The following ARHGAP26 variants were observed in gnomAD, a reference collection of about 807,000 sequenced individuals.
The protein encoded by ARHGAP26 is Rho GTPase activating protein 26, also known as rho GTPase-activating protein 26.
Under a neutral mutation model 104.8 loss-of-function variants are expected in ARHGAP26, and 38 were observed. The ratio of observed to expected loss-of-function variants is 0.36; its 90% confidence interval spans 0.28 to 0.48. The LOEUF (loss-of-function observed/expected upper bound fraction) is 0.48, where lower values mean the gene tolerates loss of function less well. Ranked by LOEUF, ARHGAP26 falls within the 20% of genes least tolerant of loss-of-function variation. The pLI, the probability that ARHGAP26 is intolerant of heterozygous loss-of-function variation, is 0.99. For missense variants in ARHGAP26, 704 were observed against 947.9 expected (o/e 0.74, Z 3.38); for synonymous variants, 341 against 340.0 (o/e 1.00, Z -0.03).
intron 14 of ARHGAP26, among the ~76,000 whole-genome samples, chr5:143,052,690 G>A (rs545811902): frequency 2.2e-4 from 33 of 152,106 alleles, no homozygotes; most frequent in Non-Finnish European, 3.4e-4. Context: ...CTGGATTTGT[G>A]CCCCTACCTG....
intron 1 of ARHGAP26, among the ~76,000 whole-genome samples, chr5:142,847,637 G>A (rs918000354): frequency 2.6e-5 from 4 of 152,224 alleles, no homozygotes; most frequent in Non-Finnish European, 4.4e-5. Context: ...GATTATAGGC[G>A]TGAGCCACCG....
At chr5:143,013,543 C>T (rs1398255730) in intron 11 of ARHGAP26, among the ~76,000 whole-genome samples, 1 of 152,124 alleles carries the variant, frequency 6.6e-6, no homozygotes, top group Non-Finnish European at 1.5e-5. Flanking sequence ...AGTAACAGTT[C>T]CCACTCCCCG....
At chr5:143,064,399 CT>C (rs764782489) in intron 17 of ARHGAP26, among the ~76,000 whole-genome samples, 2,508 of 138,326 alleles carry the variant, frequency 0.018, 58 homozygotes, top group African/African-American at 0.053. Context: ...TTGACTGGCT[CT>C]TTTTTTTTTT....
At chr5:143,072,469 A>G (rs1179083508) in intron 17 of ARHGAP26, among the ~76,000 whole-genome samples, 1 of 152,244 alleles carries the variant, frequency 6.6e-6, no homozygotes, top group African/African-American at 2.4e-5. Context: ...TTCTTGCACC[A>G]CTATTCATGA....
At chr5:142,985,654 C>A (rs181107538) in intron 11 of ARHGAP26, among the ~76,000 whole-genome samples, 1 of 119,462 alleles carries the variant, frequency 8.4e-6, no homozygotes, top group African/African-American at 3.1e-5. Context: ...ATCCCTCCCC[C>A]CTCCCCCCCA....
At chr5:143,138,530 A>G (rs780012156) in intron 19 of ARHGAP26, among the ~76,000 whole-genome samples, 3 of 152,226 alleles carry the variant, frequency 2.0e-5, no homozygotes, top group Non-Finnish European at 4.4e-5. Context: ...TGAGAAAGAT[A>G]CAAAATGATA....
intron 1 of ARHGAP26, among the ~76,000 whole-genome samples, chr5:142,837,468 CTTG>C (rs1238777036): frequency 6.6e-6 from 1 of 152,000 alleles, no homozygotes; most frequent in African/African-American, 2.4e-5. Context: ...AACTTGGTAT[CTTG>C]TTACTCTCAC....
chr5:143,193,506 A>G (rs1212719830), intron 20 of ARHGAP26, among the ~76,000 whole-genome samples: 1 of 152,006 alleles, frequency 6.6e-6, no homozygotes, highest in Non-Finnish European at 1.5e-5. Context: ...ACCTTGGCCT[A>G]CCACAAGTGC....
chr5:143,081,707 G>GT (rs1253849899), intron 17 of ARHGAP26, among the ~76,000 whole-genome samples: 1 of 152,190 alleles, frequency 6.6e-6, no homozygotes, highest in Non-Finnish European at 1.5e-5. Flanking sequence ...CTGGCATGGA[G>GT]TAAGGGCTTA....
chr5:142,797,131 C>A lies in ARHGAP26; in HGVS notation c.154+26216C>A, dbSNP rs1415732294. On this transcript the variant is annotated intron_variant, in intron 1 of 22. Transcript: ENST00000645722. ...TTTTTGAGTAGCATAGTGACATAAT[C>A]AAAGCTTTGTGAACTAAATAGCCCG... Among the ~76,000 whole-genome samples the A allele has an allele frequency of 3.3e-5, 5 of 152,284 alleles. No individual in the cohort carries two copies. The East Asian group carries it at 9.6e-4, about 29-fold the overall frequency.
intron 3 of ARHGAP26, among the ~76,000 whole-genome samples, chr5:142,876,257 C>A (rs934964429): frequency 6.6e-6 from 1 of 152,168 alleles, no homozygotes; most frequent in Non-Finnish European, 1.5e-5. Context: ...TCAACATTTT[C>A]TTTTCTTCCC....
At chr5:143,105,799 C>T (rs1004247697) in intron 17 of ARHGAP26, among the ~76,000 whole-genome samples, 4 of 152,146 alleles carry the variant, frequency 2.6e-5, no homozygotes, top group Non-Finnish European at 4.4e-5. Flanking sequence ...GTAGCTGCAC[C>T]GGGGCGTTAT....
chr5:143,062,217 G>C (rs938018728), intron 17 of ARHGAP26, among the ~76,000 whole-genome samples: 1 of 152,202 alleles, frequency 6.6e-6, no homozygotes, highest in African/African-American at 2.4e-5. Flanking sequence ...TGGGCACATA[G>C]GCACTAAATT....
chr5:143,055,734 A>G lies in ARHGAP26; in HGVS notation c.1374-294A>G, dbSNP rs191492851. Among the ~76,000 whole-genome samples the G allele has an allele frequency of 6.6e-5, 10 of 152,362 alleles. No individual in the cohort carries two copies. The East Asian group carries it at 1.9e-3, about 29-fold the overall frequency. ...CATCTTAAAATGCTGTTGTTGATAGATGAGTCACTGACTGAAAAGGAAATC... is the reference window on the plus strand; with the variant it reads ...CATCTTAAAATGCTGTTGTTGATAGGTGAGTCACTGACTGAAAAGGAAATC... On this transcript the variant is annotated intron_variant, in intron 15 of 22. Coordinates refer to ENST00000645722, the MANE Select transcript of ARHGAP26 (RefSeq NM_001135608.3).
chr5:143,111,878 C>T (rs1794811026), intron 17 of ARHGAP26, among the ~76,000 whole-genome samples: 1 of 152,198 alleles, frequency 6.6e-6, no homozygotes, highest in East Asian at 1.9e-4. Context: ...CCACGTCCCC[C>T]AACTGCCCCC....
chr5:143,224,538 G>A lies in ARHGAP26; in HGVS notation c.*2092G>A. ...CGAGTTTTTGTCTTTCTTCTCAGGT[G>A]TATTTCTTGGTACCCCCAAGATATC... On this transcript the variant is annotated 3_prime_UTR_variant, in exon 23 of 23. Coordinates refer to ENST00000645722, the MANE Select transcript of ARHGAP26 (RefSeq NM_001135608.3). 1 of 231,080 alleles carries A rather than the reference G, an allele frequency of 4.3e-6. No homozygotes were observed. Among genetic ancestry groups the A allele is most frequent in the East Asian group, 6.1e-5 (1 of 16,316 alleles). 14.3% of individuals were successfully genotyped at this position (231,080 alleles called of 1,614,324 possible). A position where few individuals can be genotyped will look rare whatever the true frequency, so the allele number is the denominator to read the frequency against.
chr5:143,211,350 T>G (rs184061311), intron 21 of ARHGAP26, among the ~76,000 whole-genome samples: 1 of 152,088 alleles, frequency 6.6e-6, no homozygotes, highest in Non-Finnish European at 1.5e-5. Flanking sequence ...TCTAACTAGG[T>G]GTCCTGTATT....
rs1759125047 is a variant in ARHGAP26 at position 142,894,098 on chromosome 5, T to C, written c.487-140T>C. The C allele has an allele frequency of 6.5e-6, 4 of 615,650 alleles. No homozygotes were observed. In the South Asian group the frequency reaches 8.1e-5, roughly 12 times the overall value. The allele number at this position is 615,650 out of a possible 1,614,324, so 38.1% of individuals were successfully genotyped here. On this transcript the variant is annotated intron_variant, in intron 5 of 22. Transcript: ENST00000645722. ...TTTTTGCATAGTGAAATAGTTACTA[T>C]AGTTATTCTTCTTCTGTGTAATGCT...
At chr5:142,901,876 T>C (rs1286254692) in intron 6 of ARHGAP26, 59 bp from the exon 7 acceptor site, 8 of 1,398,178 alleles carry the variant, frequency 5.7e-6, no homozygotes, top group Non-Finnish European at 8.1e-6. Context: ...CAGATACAGC[T>C]ACATAATACC....
Sources: gnomAD v4.1 joint callset for allele counts (sites outside exome capture counted in the v4.1 genomes callset) on GRCh38, gnomAD v4.1.1 for gene constraint, MANE v1.5 for transcripts, NCBI Gene and HGNC (gene_info 2026-07-23, HGNC 2026-07-21) for gene names.